Variants in PACS1 observed in about 807,000 individuals in gnomAD.
PACS1 encodes PACS-1.
Under a neutral mutation model 115.0 loss-of-function variants are expected in PACS1, and 24 were observed. That is an observed-to-expected ratio of 0.21 (90% CI 0.15 to 0.29). PACS1 has a LOEUF of 0.29. PACS1 is among the 10% of genes least tolerant of loss of function. The pLI is 1.00. For synonymous variants in PACS1, 453 were observed against 504.5 expected, an observed-to-expected ratio of 0.90 and a Z score of 1.37; for missense variants, 838 against 1,251.2, an observed-to-expected ratio of 0.67 and a Z score of 4.98.
chr11:66,086,207 G>A (rs561145417), intron 1 of PACS1, among the ~76,000 whole-genome samples: 5 of 146,760 alleles, frequency 3.4e-5, no homozygotes, highest in East Asian at 2.0e-4. Context: ...GCGCGATCTC[G>A]GCTCACTGCA....
At chr11:66,107,655 C>T (rs555731047) in intron 1 of PACS1, among the ~76,000 whole-genome samples, 40 of 152,190 alleles carry the variant, frequency 2.6e-4, no homozygotes, top group Non-Finnish European at 4.0e-4. Context: ...ATTGTTACCA[C>T]TATACCACGT....
chr11:66,102,926 G>A (rs918455827), intron 1 of PACS1, among the ~76,000 whole-genome samples: 2 of 152,014 alleles, frequency 1.3e-5, no homozygotes, highest in Admixed American at 6.5e-5. Flanking sequence ...CACCTCCCAG[G>A]TTCAAGCCAT....
rs11227398 is a variant in PACS1, at chr11:66,076,027, G to A, written c.356+5185G>A. Among the ~76,000 whole-genome samples the A allele has an allele frequency of 9.3e-3, 1,421 of 152,228 alleles. 22 individuals carry two copies. The highest frequency in any genetic ancestry group is 0.031 in the African/African-American group (1,288 of 41,544). ...GCTGGGATTACAGACGTGAGCCACC[G>A]CGCTCAGCCACATTAAAAGTCTTAA... On this transcript the variant is annotated intron_variant, in intron 1 of 23. Coordinates refer to ENST00000320580, the MANE Select transcript of PACS1 (RefSeq NM_018026.4).
At position 66,172,550 on chromosome 11, in the gene PACS1, C is replaced by G. The variant is rs76826755; in HGVS notation, c.357-20936C>G. 8.3e-3 allele frequency among the ~76,000 whole-genome samples: 1,266 copies of G among 152,296 alleles called. 88 individuals are homozygous for G. In the East Asian group the frequency reaches 0.17, roughly 21 times the overall value. ...TTGCCAGCCTTGCAAGGCAGCCACA[C>G]GGGCAGCAGATCCTGCAGCCCCCTC... On this transcript the variant is annotated intron_variant, in intron 1 of 23. Transcript: ENST00000320580.
At chr11:66,154,229 G>C (rs1859305805) in intron 1 of PACS1, among the ~76,000 whole-genome samples, 1 of 152,084 alleles carries the variant, frequency 6.6e-6, no homozygotes, top group Admixed American at 6.6e-5. Context: ...TTGAGGCCAG[G>C]AATTCAAGAC....
chr11:66,154,554 T>C (rs1391840073), intron 1 of PACS1, among the ~76,000 whole-genome samples: 2 of 152,190 alleles, frequency 1.3e-5, no homozygotes, highest in Non-Finnish European at 2.9e-5. Flanking sequence ...ATTTATGTTT[T>C]GGTCAGAATA....
intron 11 of PACS1, 30 bp downstream of exon 11, chr11:66,227,614 T>A (rs1233556972): frequency 7.1e-7 from 1 of 1,399,396 alleles, no homozygotes; most frequent in South Asian, 1.2e-5. Flanking sequence ...CTGTTTCAGC[T>A]GTTTCAAATA....
intron 1 of PACS1, among the ~76,000 whole-genome samples, chr11:66,091,476 G>GT (rs1319353874): frequency 3.4e-5 from 5 of 146,708 alleles, no homozygotes; most frequent in African/African-American, 5.0e-5. Context: ...TTCCCCAGTA[G>GT]TTTTTTTTCT....
At chr11:66,144,912 G>T (rs544565697) in intron 1 of PACS1, among the ~76,000 whole-genome samples, 2 of 152,380 alleles carry the variant, frequency 1.3e-5, no homozygotes, top group Admixed American at 1.3e-4. Flanking sequence ...TGGGATCACA[G>T]ATGTGAGCCA....
intron 1 of PACS1, among the ~76,000 whole-genome samples, chr11:66,187,463 C>G (rs1203694740): frequency 6.6e-6 from 1 of 152,170 alleles, no homozygotes; most frequent in African/African-American, 2.4e-5. Context: ...TCCTCCCTTT[C>G]CCCTGCTATT....
intron 2 of PACS1, among the ~76,000 whole-genome samples, chr11:66,198,066 G>A (rs1334378280): frequency 1.3e-5 from 2 of 152,214 alleles, no homozygotes; most frequent in African/African-American, 4.8e-5. Context: ...TGCAGCCACT[G>A]TGTTGTTTTG....
chr11:66,202,745 ATATATATATATATATAT>A (rs1854842756), intron 2 of PACS1, among the ~76,000 whole-genome samples: 5 of 30,714 alleles, frequency 1.6e-4, no homozygotes, highest in African/African-American at 3.1e-4. Context: ...AAAAAAAAAT[ATATATATATATATATAT>A]ATATATATAT....
Position 66,216,764 on chromosome 11 carries a change from G to C in PACS1, c.967G>C (p.Ala323Pro). 6.2e-7 allele frequency: 1 copy of C among 1,613,342 alleles called. No individual in the cohort carries two copies. Among genetic ancestry groups the C allele is most frequent in the Non-Finnish European group, 8.5e-7 (1 of 1,179,434 alleles). Residue 323 changes from alanine (A) to proline (P), a missense_variant, in exon 7 of 24, where the codon GCC becomes CCC. Coordinates refer to ENST00000320580, the MANE Select transcript of PACS1 (RefSeq NM_018026.4). ...KTRRKLTSTS[A>P]ITRQPNIKQK... Reference sequence around the variant, plus strand: ...CCGGAGGAAACTAACCTCAACCTCTGCCATCACAAGGGTGAGCCTCAAAGG... The same window carrying C: ...CCGGAGGAAACTAACCTCAACCTCTCCCATCACAAGGGTGAGCCTCAAAGG...
intron 1 of PACS1, among the ~76,000 whole-genome samples, chr11:66,150,207 A>G (rs1201328608): frequency 6.6e-6 from 1 of 152,228 alleles, no homozygotes; most frequent in Non-Finnish European, 1.5e-5. Context: ...TTGGAATCCA[A>G]TACAGTAATC....
At chr11:66,178,445 G>A (rs1263334289) in intron 1 of PACS1, among the ~76,000 whole-genome samples, 2 of 152,158 alleles carry the variant, frequency 1.3e-5, no homozygotes, top group African/African-American at 2.4e-5. Context: ...GTGCATGCGT[G>A]TGTGATAGAC....
intron 4 of PACS1, among the ~76,000 whole-genome samples, chr11:66,215,469 G>T (rs888630668): frequency 3.3e-5 from 5 of 152,054 alleles, no homozygotes; most frequent in Non-Finnish European, 5.9e-5. Context: ...CAGGCATGGT[G>T]GTGTGTGCCT....
Position 66,239,144 on chromosome 11 carries a change from G to A in PACS1, c.2296G>A (p.Asp766Asn), listed in dbSNP as rs375682747. Reference protein sequence around the residue: ...LVEDSPSTAGDGDDSPVVSLT... With the variant: ...LVEDSPSTAGNGDDSPVVSLT... ...GTTTGTCGTTTGTCCCCTGACAGGC[G>A]ATGGGGACGATTCTCCTGTGGTCAG... is the stretch of plus-strand genomic sequence containing the variant. Residue 766 changes from aspartate to asparagine, a missense_variant and splice_region_variant, in exon 21 of 24, where the codon GAT (aspartate) becomes AAT (asparagine). Asp to Asn is a conservative substitution (Grantham distance 23). Around this residue, in one of 6 missense-constraint regions of PACS1, gnomAD observed 383 missense variants for 537.0 expected, o/e 0.71. Transcript: ENST00000320580. 83 of 1,614,028 alleles carry A rather than the reference G, an allele frequency of 5.1e-5. No individual in the cohort carries two copies. Among genetic ancestry groups the A allele is most frequent in the Non-Finnish European group, 6.2e-5 (73 of 1,180,026 alleles).
At chr11:66,191,839 C>T (rs1252602973) in intron 1 of PACS1, among the ~76,000 whole-genome samples, 1 of 152,110 alleles carries the variant, frequency 6.6e-6, no homozygotes, top group Admixed American at 6.5e-5. Flanking sequence ...GCCTGGCCAA[C>T]ATGGTGAAAC....
intron 1 of PACS1, among the ~76,000 whole-genome samples, chr11:66,112,837 A>G (rs888620202): frequency 2.6e-5 from 4 of 152,258 alleles, no homozygotes; most frequent in African/African-American, 9.6e-5. Context: ...CCAAATGCCC[A>G]TCAACACATG....
Sources: allele counts gnomAD v4.1 joint callset (sites outside exome capture counted in the v4.1 genomes callset), GRCh38; gene constraint gnomAD v4.1.1; regional missense constraint gnomAD v4.1.1; transcripts MANE v1.5; gene names NCBI Gene and HGNC (gene_info 2026-07-23, HGNC 2026-07-21).